Variants in ANKRD27 observed in about 807,000 individuals in gnomAD.
The protein encoded by ANKRD27 is ankyrin repeat domain 27, also known as ankyrin repeat domain-containing protein 27.
A neutral mutation model predicts 129.7 loss-of-function variants in ANKRD27; 112 were observed. The ratio of observed to expected loss-of-function variants is 0.86; its 90% CI spans 0.74 to 1.01. ANKRD27 has a LOEUF of 1.01. ANKRD27 is among the 50% of genes least tolerant of loss of function. The probability of loss-of-function intolerance (pLI) is 0.00; values close to 1 mark genes in which losing one functional copy is unlikely to be tolerated. For missense variants in ANKRD27, 1,258 were observed against 1,300.5 expected (o/e 0.97, Z 0.50); for synonymous variants, 516 against 511.2 (o/e 1.01, Z -0.13).
intron 2 of ANKRD27, among the ~76,000 whole-genome samples, chr19:32,656,099 G>GAAAGAAAGAAAGAAAGA: frequency 8.1e-6 from 1 of 123,262 alleles, no homozygotes; most frequent in East Asian, 2.7e-4. Flanking sequence ...AAGAAAGAAA[G>GAAAGAAAGAAAGAAAGA]AAAGAAAGAA....
chr19:32,644,615 G>C (rs1967267380), intron 4 of ANKRD27, 136 bp from the exon 5 acceptor site: 1 of 1,010,436 alleles, frequency 9.9e-7, no homozygotes. Flanking sequence ...GAACAGCCCA[G>C]TTACAGGACA....
chr19:32,644,518 C>T, intron 4 of ANKRD27, 39 bp from the exon 5 acceptor site: 1 of 1,603,682 alleles, frequency 6.2e-7, no homozygotes, highest in Non-Finnish European at 8.5e-7. Flanking sequence ...GCTGAAGCCT[C>T]TGCTGGTTCC....
chr19:32,651,035 G>A (rs748768038), intron 2 of ANKRD27, among the ~76,000 whole-genome samples: 89 of 151,996 alleles, frequency 5.9e-4, no homozygotes, highest in Non-Finnish European at 9.9e-4. Context: ...ATGAGCCACT[G>A]TGCCTGGTCC....
In ANKRD27 at chr19:32,626,866, G is replaced by A. The variant is rs371271755; in HGVS notation, c.1421-39C>T. On this transcript the variant is annotated intron_variant, in intron 15 of 28. Transcript: ENST00000306065. ...GGACGTCACGATGGAGAAGGAAGGC[G>A]CAGAGGCCTTCCACACCTTAACTGT... 3.7e-4 allele frequency: 536 copies of A among 1,431,724 alleles called. 2 individuals carry two copies. Among genetic ancestry groups the A allele is most frequent in the Non-Finnish European group, 4.4e-4 (452 of 1,032,220 alleles). The allele number at this position is 1,431,724 out of a possible 1,614,324, so 88.7% of individuals were successfully genotyped here. A position where few individuals can be genotyped will look rare whatever the true frequency, so the allele number is the denominator to read the frequency against.
intron 12 of ANKRD27, among the ~76,000 whole-genome samples, chr19:32,636,709 T>TTCTCTC (rs56115659): frequency 0.018 from 2,576 of 145,450 alleles, 77 homozygotes; most frequent in African/African-American, 0.061. Context: ...AAAAAAACAG[T>TTCTCTC]TCTCTCTCTC....
In ANKRD27 at chr19:32,644,421, C is replaced by T. The variant is rs140174856; in HGVS notation, c.429G>A (p.Glu143=). 38 of 1,614,116 alleles carry T rather than the reference C, an allele frequency of 2.4e-5. No individual in the cohort carries two copies. In the East Asian group the frequency reaches 8.2e-4, roughly 35 times the overall value. Residue 143 remains glutamate (E), a synonymous_variant, in exon 5 of 29, where the codon GAG becomes GAA. Transcript: ENST00000306065. Reference sequence around the variant, plus strand: ...ATCGCTCGGAGTGTCTTCCCAAGAACTCTCTCACATCTTCAATGGTTTTCA... The same window carrying T: ...ATCGCTCGGAGTGTCTTCCCAAGAATTCTCTCACATCTTCAATGGTTTTCA... ...FSLKTIEDVR[E]FLGRHSERFD... is the part of the protein sequence containing the mutation.
At chr19:32,649,895 C>G (rs1967378830) in intron 2 of ANKRD27, 103 bp from the exon 3 acceptor site, 1 of 784,984 alleles carries the variant, frequency 1.3e-6, no homozygotes, top group East Asian at 2.4e-5. Context: ...ACAGCGGGAC[C>G]TGCTGGCAGA....
intron 21 of ANKRD27, among the ~76,000 whole-genome samples, chr19:32,616,766 A>G (rs1269666668): frequency 1.3e-5 from 2 of 152,038 alleles, no homozygotes; most frequent in Non-Finnish European, 2.9e-5. Context: ...TTATCCAGAT[A>G]CCTGCTTATG....
rs758636611 is a variant in ANKRD27, at chr19:32,628,116, C to T, written c.1387G>A (p.Gly463Arg). ...GCAGCCACATGGAGAGGGGTGTGCC[C>T]CCTGTCGTCTCTGGAGAATGGAGTG... The part of the protein sequence containing the change: ...VVTPFSRDDR[G>R]HTPLHVAAVC... Residue 463 changes from glycine to arginine, a missense_variant, in exon 15 of 29, where the codon GGG (glycine) becomes AGG (arginine). By Grantham distance (125) the Gly-to-Arg change is moderately radical (BLOSUM62 -2). Coordinates refer to ENST00000306065, the MANE Select transcript of ANKRD27 (RefSeq NM_032139.3). 6.2e-7 allele frequency: 1 copy of T among 1,614,216 alleles called. No homozygotes were observed. Among genetic ancestry groups the T allele is most frequent in the Non-Finnish European group, 8.5e-7 (1 of 1,180,028 alleles).
rs1243942834 is a variant in ANKRD27, at chr19:32,622,581, G to A, written c.1668C>T (p.Cys556=). The A allele has an allele frequency of 3.7e-6, 6 of 1,613,914 alleles. No individual in the cohort carries two copies. The highest frequency in any genetic ancestry group is 2.7e-5 in the African/African-American group (2 of 74,896). Residue 556 remains cysteine (C), a synonymous_variant, in exon 18 of 29, where the codon TGC becomes TGT. Coordinates refer to ENST00000306065, the MANE Select transcript of ANKRD27 (RefSeq NM_032139.3). ...KALVYYDVES[C]RLDIGNEKGD... is the part of the protein sequence containing the mutation. ...CTTTCTCATTGCCAATGTCAAGTCTGCACGACTCCACGTCGTAGTAAACCA... is the reference window on the plus strand; with the variant it reads ...CTTTCTCATTGCCAATGTCAAGTCTACACGACTCCACGTCGTAGTAAACCA...
intron 12 of ANKRD27, 171 bp downstream of exon 12, chr19:32,639,185 C>T (rs2042262): frequency 0.089 from 62,671 of 703,350 alleles, 5,156 homozygotes; most frequent in African/African-American, 0.34. Flanking sequence ...CAATTGAGGG[C>T]TTGGTGTTCT....
At chr19:32,642,491 G>C (rs1967220835) in intron 9 of ANKRD27, among the ~76,000 whole-genome samples, 1 of 152,126 alleles carries the variant, frequency 6.6e-6, no homozygotes, top group Admixed American at 6.6e-5. Flanking sequence ...TGTAATCCCA[G>C]CACTTGTAAA....
intron 22 of ANKRD27, among the ~76,000 whole-genome samples, chr19:32,609,022 C>T (rs2145263241): frequency 6.6e-6 from 1 of 152,082 alleles, no homozygotes; most frequent in African/African-American, 2.4e-5. Flanking sequence ...CGTGTGCCAC[C>T]ACACCTGGCT....
chr19:32,648,968 GTTTT>G (rs67248583), intron 3 of ANKRD27, among the ~76,000 whole-genome samples: 1 of 126,360 alleles, frequency 7.9e-6, no homozygotes, highest in Non-Finnish European at 1.7e-5. Flanking sequence ...TTTTGGGTTT[GTTTT>G]TTTTTTTTTT....
At chr19:32,669,413 G>A (rs1290431229) in intron 1 of ANKRD27, among the ~76,000 whole-genome samples, 1 of 152,186 alleles carries the variant, frequency 6.6e-6, no homozygotes, top group Non-Finnish European at 1.5e-5. Context: ...CCACCACAAT[G>A]AGATAATGCA....
intron 17 of ANKRD27, among the ~76,000 whole-genome samples, chr19:32,624,783 T>A (rs1415417952): frequency 6.6e-6 from 1 of 150,734 alleles, no homozygotes; most frequent in African/African-American, 2.4e-5. Context: ...TCTACAAAAA[T>A]ATAAAAATTA....
At chr19:32,663,894 A>C (rs542538910) in intron 1 of ANKRD27, among the ~76,000 whole-genome samples, 174 of 151,448 alleles carry the variant, frequency 1.1e-3, no homozygotes, top group South Asian at 2.5e-3. Flanking sequence ...GTCTCTACTA[A>C]AAATACAAAA....
intron 23 of ANKRD27, among the ~76,000 whole-genome samples, chr19:32,606,850 C>A (rs1203731371): frequency 7.1e-6 from 1 of 141,290 alleles, no homozygotes; most frequent in Non-Finnish European, 1.5e-5. Context: ...TCCCTGTAAT[C>A]CCAGTACTTT....
At chr19:32,634,309 CACA>C (rs1457796654) in intron 12 of ANKRD27, among the ~76,000 whole-genome samples, 20 of 152,292 alleles carry the variant, frequency 1.3e-4, no homozygotes, top group Admixed American at 6.5e-4. Flanking sequence ...CAGACAGAAT[CACA>C]ACAACAAGGA....
Sources: gnomAD v4.1 joint callset for allele counts (sites outside exome capture counted in the v4.1 genomes callset) on GRCh38, gnomAD v4.1.1 for gene constraint, MANE v1.5 for transcripts, NCBI Gene and HGNC (gene_info 2026-07-23, HGNC 2026-07-21) for gene names.